KDM6A: variants seen among roughly 807,000 people sequenced by gnomAD.
KDM6A encodes the protein lysine demethylase 6A.
In KDM6A, 11 loss-of-function variants were observed where a neutral mutation model predicts 117.6. That is an observed-to-expected ratio of 0.09 (90% CI 0.06 to 0.15). The LOEUF (loss-of-function observed/expected upper bound fraction) is 0.15, where lower values mean the gene tolerates loss of function less well. Among genes scored for constraint, KDM6A ranks in the 10% least tolerant of loss-of-function variants. KDM6A has a pLI of 1.00. For synonymous variants in KDM6A, 384 were observed against 396.1 expected (o/e 0.97, Z 0.36); for missense variants, 799 against 1,077.3 (o/e 0.74, Z 3.62).
chrX:45,006,733 A>G (rs2041511769), intron 4 of KDM6A, among the ~76,000 whole-genome samples: 2 of 111,250 alleles, frequency 1.8e-5, no homozygotes, highest in African/African-American at 6.6e-5. Context: ...AAGGTAAAGG[A>G]TTGAACATAC....
chrX:44,890,715 C>T (rs1346674640), intron 2 of KDM6A, among the ~76,000 whole-genome samples: 2 of 83,658 alleles, frequency 2.4e-5, no homozygotes, highest in African/African-American at 9.8e-5. Flanking sequence ...ATTGCAGTGG[C>T]GCGATCTCGG....
intron 17 of KDM6A, among the ~76,000 whole-genome samples, 188 bp from the exon 18 acceptor site, chrX:45,069,391 A>G (rs1380553563): frequency 8.9e-6 from 1 of 112,046 alleles, no homozygotes; most frequent in Non-Finnish European, 1.9e-5. Flanking sequence ...AGGAAGAAAA[A>G]TTTCTCTAAA....
intron 2 of KDM6A, among the ~76,000 whole-genome samples, chrX:44,949,317 C>G (rs1198756330): frequency 3.6e-5 from 4 of 111,377 alleles, no homozygotes; most frequent in African/African-American, 1.3e-4. Context: ...TCGCTTGAGC[C>G]TGGGAGGTCC....
In KDM6A at chrX:45,051,714, A is replaced by G. The variant is rs587778423; in HGVS notation, c.660A>G (p.Lys220=). 12 of 1,146,599 alleles carry G rather than the reference A, an allele frequency of 1.0e-5. No individual in the cohort carries two copies. The African/African-American group carries it at 2.0e-4, about 19-fold the overall frequency. The allele number at this position is 1,146,599 out of a possible 1,213,427, so 94.5% of individuals were successfully genotyped here. A position where few individuals can be genotyped will look rare whatever the true frequency, so the allele number is the denominator to read the frequency against. Residue 220 remains lysine, a synonymous_variant, in exon 9 of 30, where the codon AAA becomes AAG. Coordinates refer to ENST00000611820, the MANE Select transcript of KDM6A (RefSeq NM_001291415.2). ...TCTCTTTTTCTGTTCTTTAGAGGAA[A>G]TATCATTCTGCAAAAGAAGCTTATG... ...HIAHLYETQR[K]YHSAKEAYEQ...
intron 28 of KDM6A, among the ~76,000 whole-genome samples, chrX:45,109,042 C>T (rs1425883606): frequency 9.7e-6 from 1 of 102,847 alleles, no homozygotes; most frequent in Non-Finnish European, 2.0e-5. Context: ...GTGGGTGCAG[C>T]GCACCACCAT....
At position 44,936,323 on chromosome X, in the gene KDM6A, A is replaced by AT. The variant is rs996325408; in HGVS notation, c.226-24951dup. On this transcript the variant is annotated intron_variant, in intron 2 of 29. Coordinates refer to ENST00000611820, the MANE Select transcript of KDM6A (RefSeq NM_001291415.2). ...CCATCTTTTTACCAGATAAGGTAAT[A>AT]TTTTTTTTTTCAGCCTACCATACTT... is the stretch of plus-strand genomic sequence containing the variant. Among the ~76,000 whole-genome samples the AT allele has an allele frequency of 1.8e-4, 19 of 108,049 alleles. No individual in the cohort carries two copies. In the East Asian group the frequency reaches 2.6e-3, roughly 15 times the overall value. The allele number at this position is 108,049 out of a possible 115,157, so 93.8% of individuals were successfully genotyped here.
At chrX:45,032,195 G>C (rs967265106) in intron 6 of KDM6A, among the ~76,000 whole-genome samples, 1 of 112,116 alleles carries the variant, frequency 8.9e-6, no homozygotes, top group Non-Finnish European at 1.9e-5. Context: ...CAGTATTTCA[G>C]TGTGAGGCAC....
intron 2 of KDM6A, among the ~76,000 whole-genome samples, chrX:44,897,410 TG>T (rs1290224727): frequency 1.8e-5 from 2 of 111,052 alleles, no homozygotes; most frequent in Non-Finnish European, 3.8e-5. Flanking sequence ...TCTTTATTTT[TG>T]TCAGGTAATT....
intron 2 of KDM6A, among the ~76,000 whole-genome samples, chrX:44,931,867 TCA>T (rs756297638): frequency 2.7e-5 from 3 of 111,257 alleles, no homozygotes; most frequent in South Asian, 3.8e-4. Context: ...TTTTTAAAAA[TCA>T]CAATTAAATG....
At chrX:44,904,968 G>A (rs920603721) in intron 2 of KDM6A, among the ~76,000 whole-genome samples, 2 of 112,087 alleles carry the variant, frequency 1.8e-5, no homozygotes, top group Non-Finnish European at 3.8e-5. Context: ...TTTTCTCATG[G>A]GAGAGGAATT....
intron 2 of KDM6A, among the ~76,000 whole-genome samples, chrX:44,950,873 T>TA (rs1491238250): frequency 9.1e-6 from 1 of 109,433 alleles, no homozygotes; most frequent in Non-Finnish European, 1.9e-5. Context: ...TTGCCTTTGT[T>TA]ATAGATGCCC....
chrX:44,923,389 G>A (rs1168610157), intron 2 of KDM6A, among the ~76,000 whole-genome samples: 1 of 105,758 alleles, frequency 9.5e-6, no homozygotes, highest in African/African-American at 3.5e-5. Context: ...TGTTTATCAG[G>A]ATATCTGAAA....
At chrX:45,078,875 C>T (rs2045260503) in intron 20 of KDM6A, among the ~76,000 whole-genome samples, 1 of 110,370 alleles carries the variant, frequency 9.1e-6, no homozygotes, top group Non-Finnish European at 1.9e-5. Flanking sequence ...TTCCTGGCAT[C>T]TGCAGAAATT....
intron 2 of KDM6A, among the ~76,000 whole-genome samples, chrX:44,897,138 CT>C (rs752521695): frequency 0.046 from 3,356 of 72,928 alleles, 175 homozygotes; most frequent in African/African-American, 0.15. Context: ...AGGCTTTGTT[CT>C]TTTTTTTTTT....
At position 45,063,626 on chromosome X, in the gene KDM6A, C is replaced by T. The variant is rs2147994916; in HGVS notation, c.1888C>T (p.Pro630Ser). Residue 630 changes from proline (P) to serine (S), a missense_variant, in exon 17 of 30, where the codon CCC (proline) becomes TCC (serine). Physicochemically the swap from Pro to Ser is moderately conservative, Grantham distance 74. Transcript: ENST00000611820. ...ANGPFSAGHV[P>S]CSTSRTLGST... is the part of the protein sequence containing the mutation. ...TGGACCCTTTTCTGCAGGCCATGTT[C>T]CCTGTAGCACATCAAGAACGCTGGG... 8.3e-7 allele frequency: 1 copy of T among 1,210,295 alleles called. No homozygotes were observed. The highest frequency in any genetic ancestry group is 1.1e-6 in the Non-Finnish European group (1 of 894,421).
chrX:44,958,244 G>A (rs1367713221), intron 2 of KDM6A, among the ~76,000 whole-genome samples: 1 of 105,569 alleles, frequency 9.5e-6, no homozygotes, highest in African/African-American at 3.5e-5. Flanking sequence ...GTGCAGTGGC[G>A]CAATCTCGGC....
chrX:44,891,030 ATTTT>A (rs999112816), intron 2 of KDM6A, among the ~76,000 whole-genome samples: 2 of 105,353 alleles, frequency 1.9e-5, no homozygotes, highest in Non-Finnish European at 3.9e-5. Flanking sequence ...TTCTAGTTGG[ATTTT>A]TTTTTTAACT....
At chrX:44,936,787 A>T (rs951317924) in intron 2 of KDM6A, among the ~76,000 whole-genome samples, 47 of 112,080 alleles carry the variant, frequency 4.2e-4, no homozygotes, top group African/African-American at 1.5e-3. Context: ...TGTTAAACGA[A>T]ATTTTGGCAG....
chrX:45,000,285 A>G (rs778835432), intron 4 of KDM6A, among the ~76,000 whole-genome samples: 123 of 112,239 alleles, frequency 1.1e-3, no homozygotes, highest in Non-Finnish European at 2.0e-3. Context: ...ATTGACTTAA[A>G]TCCTGCAGCT....
Sources: allele counts gnomAD v4.1 joint callset (sites outside exome capture counted in the v4.1 genomes callset), GRCh38; gene constraint gnomAD v4.1.1; transcripts MANE v1.5; gene names NCBI Gene and HGNC (gene_info 2026-07-23, HGNC 2026-07-21).